USP20: variants seen among roughly 807,000 people sequenced by gnomAD.
USP20 encodes ubiquitin carboxyl-terminal hydrolase 20.
Under a neutral mutation model 124.2 loss-of-function variants are expected in USP20, and 80 were observed. The ratio of observed to expected loss-of-function variants is 0.64; its 90% CI spans 0.54 to 0.78. USP20 has a LOEUF of 0.78. Among genes scored for constraint, USP20 ranks in the 30% least tolerant of loss-of-function variants. USP20 has a pLI of 0.00. For missense variants in USP20, 1,043 were observed against 1,244.4 expected (o/e 0.84, Z 2.44); for synonymous variants, 481 against 512.3 (o/e 0.94, Z 0.83).
chr9:129,878,806 C>T (rs2034517942), intron 23 of USP20, among the ~76,000 whole-genome samples: 1 of 152,254 alleles, frequency 6.6e-6, no homozygotes, highest in Admixed American at 6.5e-5. Context: ...CCATCACAAG[C>T]TCCCAGGGTC....
At chr9:129,870,153 C>G in intron 14 of USP20, 1 of 562,990 alleles carries the variant, frequency 1.8e-6, no homozygotes, top group Non-Finnish European at 3.2e-6. Context: ...CAGCAGCTTT[C>G]CCAGGGCTGC....
chr9:129,859,568 C>A (rs1202606033), intron 6 of USP20, among the ~76,000 whole-genome samples: 1 of 152,152 alleles, frequency 6.6e-6, no homozygotes, highest in East Asian at 2.0e-4. Context: ...GCCACCGCAC[C>A]TGGCCTCTCC....
chr9:129,861,463 T>C (rs2033543247), intron 7 of USP20, 80 bp from the exon 8 acceptor site: 1 of 1,355,716 alleles, frequency 7.4e-7, no homozygotes, highest in East Asian at 2.3e-5. Context: ...AGCCACACCT[T>C]TGTGCCAAAT....
At position 129,839,526 on chromosome 9, in the gene USP20, T is replaced by A. The variant is rs1339014049; in HGVS notation, c.-129+4027T>A. 6.6e-6 allele frequency among the ~76,000 whole-genome samples: 1 copy of A among 151,190 alleles called. No individual in the cohort carries two copies. The highest frequency in any genetic ancestry group is 1.5e-5 in the Non-Finnish European group (1 of 67,834). On this transcript the variant is annotated intron_variant, in intron 1 of 25. Coordinates refer to ENST00000372429, the MANE Select transcript of USP20 (RefSeq NM_001110303.4). This position sits in a 1 kb window ranked among gnomAD's most constrained non-coding sequence, Gnocchi z 4.5. Reference sequence around the variant, plus strand: ...GGGTGTGTCTGGGACTTAGGGAGAATGCTGTTGTGTGGAGGTAGAGTAAAG... The same window carrying A: ...GGGTGTGTCTGGGACTTAGGGAGAAAGCTGTTGTGTGGAGGTAGAGTAAAG...
intron 7 of USP20, 122 bp from the exon 8 acceptor site, chr9:129,861,421 C>A: frequency 1.2e-6 from 1 of 865,174 alleles, no homozygotes; most frequent in Non-Finnish European, 1.9e-6. Context: ...ACGCTTCCAC[C>A]ATGTCCTCTT....
At chr9:129,865,797 T>C (rs538788743) in intron 10 of USP20, among the ~76,000 whole-genome samples, 40 of 152,248 alleles carry the variant, frequency 2.6e-4, no homozygotes, top group African/African-American at 9.6e-4. Flanking sequence ...CCGAAAGTGC[T>C]GTGATTATAG....
chr9:129,847,861 A>G (rs2032670522), intron 1 of USP20, among the ~76,000 whole-genome samples: 1 of 151,818 alleles, frequency 6.6e-6, no homozygotes, highest in Non-Finnish European at 1.5e-5. Flanking sequence ...AATTTTATAT[A>G]AATAGAATCA....
rs763047247 is a variant in USP20 at position 129,868,445 on chromosome 9, G to T, written c.1131G>T (p.Thr377=). The part of the protein sequence containing the change: ...PSPRSSSPCR[T]PEPDNDAHLR... ...CACGGTCCTCCAGCCCCTGCCGGAC[G>T]CCAGGTATCAGCTGGCCGGGGACTG... Residue 377 remains threonine, a synonymous_variant, in exon 11 of 26, where the codon ACG becomes ACT. Coordinates refer to ENST00000372429, the MANE Select transcript of USP20 (RefSeq NM_001110303.4). The T allele has an allele frequency of 6.2e-7, 1 of 1,609,376 alleles. No homozygotes were observed. Among genetic ancestry groups the T allele is most frequent in the Non-Finnish European group, 8.5e-7 (1 of 1,177,624 alleles).
chr9:129,836,853 C>T (rs191139451), intron 1 of USP20, among the ~76,000 whole-genome samples: 49 of 151,120 alleles, frequency 3.2e-4, no homozygotes, highest in African/African-American at 1.1e-3. Context: ...GGAGAGGCTC[C>T]TTGGGAATTG....
rs531158696 is a variant in USP20 at position 129,852,023 on chromosome 9, A to T, written c.-16-517A>T. Among the ~76,000 whole-genome samples the T allele has an allele frequency of 2.6e-5, 4 of 152,300 alleles. No individual in the cohort carries two copies. The East Asian group carries it at 7.7e-4, about 29-fold the overall frequency. ...GCAGGGGGCTCCCACAAGACGTGGGATAAGTGGTCTGCCAGCACTTGGCCT... is the reference window on the plus strand; with the variant it reads ...GCAGGGGGCTCCCACAAGACGTGGGTTAAGTGGTCTGCCAGCACTTGGCCT... On this transcript the variant is annotated intron_variant, in intron 2 of 25. Coordinates refer to ENST00000372429, the MANE Select transcript of USP20 (RefSeq NM_001110303.4).
At chr9:129,874,555 G>A (rs1248014040) in intron 17 of USP20, 21 bp from the exon 18 acceptor site, 2 of 1,610,692 alleles carry the variant, frequency 1.2e-6, no homozygotes, top group East Asian at 2.2e-5. Flanking sequence ...TAGATGACCG[G>A]CGCTCTCTCT....
intron 17 of USP20, among the ~76,000 whole-genome samples, chr9:129,874,112 C>G (rs1326421208): frequency 1.3e-5 from 2 of 152,070 alleles, no homozygotes; most frequent in East Asian, 3.9e-4. Flanking sequence ...AGGGGTCTTT[C>G]TGAGGAGTAA....
At chr9:129,876,273 C>A in intron 22 of USP20, 35 bp downstream of exon 22, 1 of 1,553,398 alleles carries the variant, frequency 6.4e-7, no homozygotes, top group Non-Finnish European at 8.8e-7. Flanking sequence ...GGCGGCTCTG[C>A]CAGCCTCTGC....
chr9:129,875,748 C>G, intron 21 of USP20, 107 bp downstream of exon 21: 2 of 1,101,058 alleles, frequency 1.8e-6, no homozygotes, highest in South Asian at 2.9e-5. Context: ...ACACCACACT[C>G]TGGCCTCCAC....
intron 24 of USP20, 47 bp from the exon 25 acceptor site, chr9:129,880,066 C>T: frequency 6.3e-7 from 1 of 1,596,550 alleles, no homozygotes; most frequent in South Asian, 1.1e-5. Context: ...CGGTGGCTTC[C>T]TTGAGGAGGC....
intron 10 of USP20, among the ~76,000 whole-genome samples, chr9:129,866,860 C>T (rs2033843662): frequency 6.6e-6 from 1 of 152,198 alleles, no homozygotes; most frequent in Non-Finnish European, 1.5e-5. Context: ...CTTGAAAGGG[C>T]CTTTGATCGT....
intron 1 of USP20, among the ~76,000 whole-genome samples, chr9:129,847,435 T>A (rs1418392662): frequency 1.3e-5 from 2 of 151,752 alleles, no homozygotes; most frequent in African/African-American, 4.8e-5. Flanking sequence ...CCTGAGTAGC[T>A]GGAATTACAG....
At chr9:129,854,757 C>A (rs760175038) in intron 3 of USP20, among the ~76,000 whole-genome samples, 2 of 152,174 alleles carry the variant, frequency 1.3e-5, no homozygotes, top group African/African-American at 4.8e-5. Context: ...GCAGACTGAT[C>A]TCCTGGCACC....
intron 14 of USP20, 61 bp from the exon 15 acceptor site, chr9:129,870,392 C>T (rs2034058732): frequency 6.4e-7 from 1 of 1,565,558 alleles, no homozygotes; most frequent in East Asian, 2.2e-5. Flanking sequence ...GCCAGAGTCC[C>T]TTCAGCTCCT....
Sources: gnomAD v4.1 joint callset for allele counts (sites outside exome capture counted in the v4.1 genomes callset) on GRCh38, gnomAD v4.1.1 for gene constraint, Gnocchi (gnomAD v3.1) non-coding constraint, MANE v1.5 for transcripts, NCBI Gene and HGNC (gene_info 2026-07-23, HGNC 2026-07-21) for gene names.